Variants in ZNF638 observed in about 807,000 individuals in gnomAD.
The protein encoded by ZNF638 is zinc finger protein 638.
Under a neutral mutation model 195.6 loss-of-function variants are expected in ZNF638, and 46 were observed. That is an observed-to-expected ratio of 0.24 (90% CI 0.19 to 0.30). ZNF638 has a LOEUF of 0.30. ZNF638 is among the 10% of genes least tolerant of loss of function. The pLI is 1.00. For missense variants in ZNF638, 2,440 were observed against 2,325.3 expected, an observed-to-expected ratio of 1.05 and a Z score of -1.01; for synonymous variants, 845 against 772.0, an observed-to-expected ratio of 1.09 and a Z score of -1.57.
chr2:71,403,830 CAT>C (rs763040133), intron 16 of ZNF638, 38 bp from the exon 17 acceptor site: 1 of 1,422,584 alleles, frequency 7.0e-7, no homozygotes, highest in South Asian at 1.4e-5. Flanking sequence ...GAAAAAGTAA[CAT>C]AAGATTTTTC....
At position 71,380,579 on chromosome 2, in the gene ZNF638, T is replaced by A; in HGVS notation, c.2377+14T>A. The stretch of plus-strand genomic sequence containing the variant: ...CAACTTCTGCTGGTAAGTTGTTACT[T>A]TTAATATTCTTTCAAATGAGTGTAT... On this transcript the variant is annotated intron_variant, in intron 10 of 27. Transcript: ENST00000264447. 1 of 1,591,970 alleles carries A rather than the reference T, an allele frequency of 6.3e-7. No individual in the cohort carries two copies. The highest frequency in any genetic ancestry group is 1.1e-5 in the South Asian group (1 of 88,096).
chr2:71,424,270 A>G (rs1457428167), intron 22 of ZNF638, among the ~76,000 whole-genome samples: 1 of 152,062 alleles, frequency 6.6e-6, no homozygotes, highest in East Asian at 1.9e-4. Context: ...ATTTGGATAC[A>G]ATTTGGAAAT....
intron 8 of ZNF638, chr2:71,379,457 A>T (rs1324444543): frequency 6.6e-6 from 1 of 152,148 alleles, no homozygotes; most frequent in African/African-American, 2.4e-5. Context: ...CTAGTCACTT[A>T]ATAGCTGTCT....
intron 19 of ZNF638, chr2:71,407,912 C>G: frequency 2.4e-6 from 1 of 417,852 alleles, no homozygotes; most frequent in Non-Finnish European, 4.3e-6. Context: ...ATTTTTATAT[C>G]CACTCATCCA....
intron 1 of ZNF638, among the ~76,000 whole-genome samples, chr2:71,347,641 C>A (rs2078872736): frequency 6.6e-6 from 1 of 152,176 alleles, no homozygotes; most frequent in African/African-American, 2.4e-5. Context: ...TATGCTCATA[C>A]ATTTTTTAAT....
chr2:71,428,762 G>A, intron 25 of ZNF638, 111 bp downstream of exon 25: 3 of 859,768 alleles, frequency 3.5e-6, no homozygotes, highest in Non-Finnish European at 5.4e-6. Flanking sequence ...ATAGAGCAGG[G>A]GTGGGAAAAG....
At chr2:71,381,593 G>T (rs761468852) in intron 10 of ZNF638, among the ~76,000 whole-genome samples, 12 of 152,110 alleles carry the variant, frequency 7.9e-5, no homozygotes, top group Non-Finnish European at 1.8e-4. Context: ...GGGTCATGCT[G>T]AGAAGTTTTC....
chr2:71,419,962 A>ACCCCC (rs11374629), intron 21 of ZNF638, among the ~76,000 whole-genome samples: 21 of 28,504 alleles, frequency 7.4e-4, no homozygotes, highest in Admixed American at 1.0e-3. Context: ...CTTAATTCCC[A>ACCCCC]CCCCCCCCCG....
chr2:71,368,675 G>A (rs1317293434), intron 7 of ZNF638, 147 bp downstream of exon 7: 1 of 835,804 alleles, frequency 1.2e-6, no homozygotes, highest in Admixed American at 2.9e-5. Context: ...AATAAGCAAG[G>A]CCGCAAAATA....
intron 19 of ZNF638, 86 bp downstream of exon 19, chr2:71,406,348 T>G: frequency 1.7e-6 from 2 of 1,188,534 alleles, no homozygotes; most frequent in African/African-American, 1.5e-5. Flanking sequence ...ACTTCTGATC[T>G]GAAGCACCTG....
intron 2 of ZNF638, among the ~76,000 whole-genome samples, chr2:71,351,266 A>C (rs2078935401): frequency 6.6e-6 from 1 of 152,066 alleles, no homozygotes. Context: ...TCTTTTCATT[A>C]TTTACTCACT....
At chr2:71,399,718 A>G in intron 13 of ZNF638, 73 bp downstream of exon 13, 3 of 1,230,196 alleles carry the variant, frequency 2.4e-6, no homozygotes, top group Non-Finnish European at 3.5e-6. Flanking sequence ...TCAGGGGTAC[A>G]TGTGCAGGTT....
At chr2:71,355,245 T>C (rs2079005645) in intron 2 of ZNF638, among the ~76,000 whole-genome samples, 1 of 152,134 alleles carries the variant, frequency 6.6e-6, no homozygotes, top group Admixed American at 6.6e-5. Flanking sequence ...CGTGAGCCAC[T>C]GCGCCCGGCG....
chr2:71,379,239 G>A (rs765005126), intron 8 of ZNF638, among the ~76,000 whole-genome samples: 7 of 152,190 alleles, frequency 4.6e-5, no homozygotes, highest in East Asian at 1.9e-4. Flanking sequence ...AGTAGTTCCC[G>A]TTTATCTGAG....
chr2:71,358,312 G>A (rs569668934), intron 3 of ZNF638, among the ~76,000 whole-genome samples: 2 of 152,262 alleles, frequency 1.3e-5, no homozygotes, highest in South Asian at 4.1e-4. Flanking sequence ...AAGTTCCAGG[G>A]ATTGGAACAT....
rs770902239 is a variant in ZNF638 at position 71,431,314 on chromosome 2, C to T, written c.5651-13C>T. On this transcript the variant is annotated splice_polypyrimidine_tract_variant and intron_variant, in intron 25 of 27. Transcript: ENST00000264447. ...TCTATTCTGAATAGCTTTTTTTCCT[C>T]GAAAAATTTTAGTTGATGAGGAATC... 1.6e-5 allele frequency: 25 copies of T among 1,599,452 alleles called. No individual in the cohort carries two copies. Among genetic ancestry groups the T allele is most frequent in the Admixed American group, 7.0e-5 (4 of 57,170 alleles).
chr2:71,347,065 T>C (rs887598980), intron 1 of ZNF638, among the ~76,000 whole-genome samples: 1 of 152,008 alleles, frequency 6.6e-6, no homozygotes, highest in Non-Finnish European at 1.5e-5. Context: ...GAAGACTCAC[T>C]CTTGGCATTG....
intron 1 of ZNF638, among the ~76,000 whole-genome samples, chr2:71,336,652 C>A (rs988899874): frequency 1.3e-5 from 2 of 152,120 alleles, no homozygotes; most frequent in African/African-American, 4.8e-5. Flanking sequence ...ACTGTTGTTT[C>A]ATTTTCACAG....
chr2:71,400,890 G>C (rs2079992853), intron 15 of ZNF638, among the ~76,000 whole-genome samples: 1 of 152,144 alleles, frequency 6.6e-6, no homozygotes, highest in South Asian at 2.1e-4. Flanking sequence ...TTAATGGTTA[G>C]AATACCAGTT....
Sources: allele counts gnomAD v4.1 joint callset (sites outside exome capture counted in the v4.1 genomes callset), GRCh38; gene constraint gnomAD v4.1.1; transcripts MANE v1.5; gene names NCBI Gene and HGNC (gene_info 2026-07-23, HGNC 2026-07-21).